LSAMP: variants seen among roughly 807,000 people sequenced by gnomAD.
LSAMP encodes limbic system associated membrane protein.
A neutral mutation model predicts 38.6 loss-of-function variants in LSAMP; 7 were observed. That is an observed-to-expected ratio of 0.18 (90% confidence interval 0.10 to 0.34). The LOEUF is 0.34. LSAMP is among the 10% of genes least tolerant of loss of function. The probability of loss-of-function intolerance (pLI) is 1.00; values close to 1 mark genes in which losing one functional copy is unlikely to be tolerated. For missense variants in LSAMP, 313 were observed against 420.0 expected (o/e 0.75, Z 2.23); for synonymous variants, 154 against 166.8 (o/e 0.92, Z 0.59).
At chr3:116,359,141 T>A (rs1035639372) in intron 1 of LSAMP, among the ~76,000 whole-genome samples, 3 of 152,260 alleles carry the variant, frequency 2.0e-5, no homozygotes, top group Non-Finnish European at 4.4e-5. Flanking sequence ...GAACAGAGTT[T>A]ATGATACATA....
intron 1 of LSAMP, among the ~76,000 whole-genome samples, chr3:116,226,900 C>T (rs2046348350): frequency 6.6e-6 from 1 of 152,210 alleles, no homozygotes. Context: ...TTTTGTAGCC[C>T]TTCCTTCTCC....
At chr3:116,021,973 C>T (rs372683795) in intron 2 of LSAMP, among the ~76,000 whole-genome samples, 6 of 152,256 alleles carry the variant, frequency 3.9e-5, no homozygotes, top group South Asian at 4.2e-4. Context: ...CACCAAACCA[C>T]ACTGCATCTC....
chr3:116,093,237 G>C (rs1003558315), intron 1 of LSAMP, among the ~76,000 whole-genome samples: 2 of 152,236 alleles, frequency 1.3e-5, no homozygotes, highest in Admixed American at 6.5e-5. Flanking sequence ...AACTAGGGAG[G>C]GGGTGTTGCT....
At chr3:116,164,916 C>T (rs1228645500) in intron 1 of LSAMP, among the ~76,000 whole-genome samples, 3 of 151,496 alleles carry the variant, frequency 2.0e-5, no homozygotes, top group South Asian at 2.1e-4. Context: ...GAGAACTAAA[C>T]TTGTCTATTA....
intron 3 of LSAMP, among the ~76,000 whole-genome samples, chr3:115,943,491 T>C (rs1366928042): frequency 3.3e-5 from 5 of 152,156 alleles, no homozygotes; most frequent in African/African-American, 4.8e-5. Context: ...TCTGCTCCTA[T>C]AGTTAGGCTA....
At chr3:116,209,157 G>A (rs1005929421) in intron 1 of LSAMP, among the ~76,000 whole-genome samples, 15 of 152,178 alleles carry the variant, frequency 9.9e-5, no homozygotes, top group African/African-American at 3.6e-4. Flanking sequence ...GGAGTGACCC[G>A]ATTTTCCAGG....
At chr3:115,911,887 T>C (rs1937143648) in intron 3 of LSAMP, among the ~76,000 whole-genome samples, 1 of 152,216 alleles carries the variant, frequency 6.6e-6, no homozygotes, top group Non-Finnish European at 1.5e-5. Context: ...GATAAGTGTG[T>C]GGTGATCTCT....
intron 2 of LSAMP, among the ~76,000 whole-genome samples, chr3:116,073,039 G>C (rs1414905029): frequency 1.3e-5 from 2 of 151,860 alleles, no homozygotes; most frequent in Non-Finnish European, 2.9e-5. Context: ...CATAATTGTG[G>C]GTTTCACATT....
At chr3:115,854,740 A>T (rs1046943813) in intron 3 of LSAMP, among the ~76,000 whole-genome samples, 1 of 152,178 alleles carries the variant, frequency 6.6e-6, no homozygotes, top group Non-Finnish European at 1.5e-5. Context: ...GTTTCTATGC[A>T]CTAAGTGTCA....
chr3:115,852,165 G>C, intron 4 of LSAMP, among the ~76,000 whole-genome samples: 1 of 152,178 alleles, frequency 6.6e-6, no homozygotes, highest in East Asian at 1.9e-4. Flanking sequence ...TTCTAAAGTA[G>C]TATGACCTTG....
chr3:115,953,699 T>C (rs762810886), intron 3 of LSAMP, among the ~76,000 whole-genome samples: 8 of 152,194 alleles, frequency 5.3e-5, no homozygotes, highest in Non-Finnish European at 1.2e-4. Flanking sequence ...ATTTGCAAAA[T>C]TCCTCTGCTA....
At chr3:116,164,621 T>TAA (rs1709990189) in intron 1 of LSAMP, among the ~76,000 whole-genome samples, 7 of 120,460 alleles carry the variant, frequency 5.8e-5, no homozygotes, top group South Asian at 2.6e-4. Context: ...TATATATATA[T>TAA]AATCCAAATA....
chr3:116,135,932 T>C (rs759849840), intron 1 of LSAMP, among the ~76,000 whole-genome samples: 1 of 152,178 alleles, frequency 6.6e-6, no homozygotes, highest in Non-Finnish European at 1.5e-5. Flanking sequence ...TATTGTGATA[T>C]AAATAGCCTT....
chr3:116,002,475 G>T (rs974691219), intron 3 of LSAMP, among the ~76,000 whole-genome samples: 1 of 152,134 alleles, frequency 6.6e-6, no homozygotes, highest in African/African-American at 2.4e-5. Flanking sequence ...GCGCAGTTTT[G>T]GTTGTCTTCC....
chr3:116,209,170 A>C (rs201319132), intron 1 of LSAMP, among the ~76,000 whole-genome samples: 2 of 152,120 alleles, frequency 1.3e-5, no homozygotes, highest in Admixed American at 6.5e-5. Context: ...TTTCCAGGTG[A>C]GTCCGTCACC....
chr3:116,113,420 A>ATATATATAT (rs1553705042), intron 1 of LSAMP, among the ~76,000 whole-genome samples: 1 of 51,044 alleles, frequency 2.0e-5, no homozygotes, highest in African/African-American at 9.6e-5. Flanking sequence ...ATATATATAT[A>ATATATATAT]TTTTTTTTTT....
chr3:115,849,138 C>T (rs1485667209), intron 4 of LSAMP, among the ~76,000 whole-genome samples: 1 of 152,100 alleles, frequency 6.6e-6, no homozygotes, highest in Non-Finnish European at 1.5e-5. Context: ...AGCTGAAAGT[C>T]CTGTCTATTG....
chr3:116,347,547 C>A (rs1286425553), intron 1 of LSAMP, among the ~76,000 whole-genome samples: 1 of 152,146 alleles, frequency 6.6e-6, no homozygotes, highest in Admixed American at 6.6e-5. Flanking sequence ...CTGTCTCTCT[C>A]TCCCCCAACC....
At chr3:116,358,086 C>A (rs2048250378) in intron 1 of LSAMP, among the ~76,000 whole-genome samples, 1 of 152,108 alleles carries the variant, frequency 6.6e-6, no homozygotes, top group Non-Finnish European at 1.5e-5. Context: ...TGTATTCAAA[C>A]TGCTGGGAAA....
Sources: gnomAD v4.1 joint callset for allele counts (sites outside exome capture counted in the v4.1 genomes callset) on GRCh38, gnomAD v4.1.1 for gene constraint, MANE v1.5 for transcripts, NCBI Gene and HGNC (gene_info 2026-07-23, HGNC 2026-07-21) for gene names.